The following BIN1 variants were observed in gnomAD, a reference collection of about 807,000 sequenced individuals.
BIN1 encodes the protein myc box-dependent-interacting protein 1.
In BIN1, 53 loss-of-function variants were observed where a neutral mutation model predicts 82.0. The observed-to-expected ratio is 0.65, with a 90% CI of 0.52 to 0.81. The LOEUF (loss-of-function observed/expected upper bound fraction) is 0.81. BIN1 is among the 40% of genes least tolerant of loss of function. The pLI, the probability that BIN1 is intolerant of heterozygous loss-of-function variation, is 0.00. For synonymous variants in BIN1, 302 were observed against 328.0 expected (o/e 0.92, Z 0.86); for missense variants, 642 against 784.4 (o/e 0.82, Z 2.17).
Position 127,068,224 on chromosome 2 carries a change from TG to T in BIN1, c.550del (p.Gln184SerfsTer12). The T allele has an allele frequency of 4.3e-6, 7 of 1,613,098 alleles. No individual in the cohort carries two copies. Among genetic ancestry groups the T allele is most frequent in the Non-Finnish European group, 5.1e-6 (6 of 1,179,854 alleles). ...AGCCTGCAGTTTGCCTTGGCACCAC[TG>T]GGGGGCGGCTTTCTCAAGCAGCGAG... ...PVSLLEKAAP[Q>X]WCQGKLQAHL... On this transcript the variant is annotated frameshift_variant, in exon 7 of 19. Coordinates refer to ENST00000316724, the MANE Select transcript of BIN1 (RefSeq NM_139343.3). LOFTEE classifies it high-confidence loss of function. This position sits in a 1 kb window ranked among gnomAD's most constrained non-coding sequence, Gnocchi z 4.9.
chr2:127,076,320 T>C (rs1573686262), intron 2 of BIN1, among the ~76,000 whole-genome samples: 1 of 152,010 alleles, frequency 6.6e-6, no homozygotes, highest in Non-Finnish European at 1.5e-5. Context: ...GCCCCTGACA[T>C]GCAAAGTTTC....
At chr2:127,064,285 G>A (rs926773415) in intron 7 of BIN1, among the ~76,000 whole-genome samples, 1 of 152,230 alleles carries the variant, frequency 6.6e-6, no homozygotes, top group South Asian at 2.1e-4. Flanking sequence ...AGTGAGCGTG[G>A]AGTAGGGCAC....
intron 18 of BIN1, among the ~76,000 whole-genome samples, chr2:127,049,245 A>G (rs1030475008): frequency 2.7e-5 from 4 of 146,674 alleles, no homozygotes; most frequent in African/African-American, 7.3e-5. Context: ...GACCCTACTC[A>G]TGCCCTATCT....
At chr2:127,092,130 T>TCCCTGC (rs1468822595) in intron 1 of BIN1, among the ~76,000 whole-genome samples, 1 of 151,790 alleles carries the variant, frequency 6.6e-6, no homozygotes, top group East Asian at 1.9e-4. Context: ...CTACCCCCTG[T>TCCCTGC]CCCTGCCCCT....
Position 127,107,044 on chromosome 2 carries a change from C to G in BIN1, c.-101G>C. ...AGCCCCGGCCGCGCGTCCAGACCGG[C>G]TGCCGCTCCACGCCGCGCACCCGAC... On this transcript the variant is annotated 5_prime_UTR_variant, in exon 1 of 19. Transcript: ENST00000316724. This position sits in a 1 kb window ranked among gnomAD's most constrained non-coding sequence, Gnocchi z 5.9. 1 of 1,222,530 alleles carries G rather than the reference C, an allele frequency of 8.2e-7. No homozygotes were observed. Among genetic ancestry groups the G allele is most frequent in the Non-Finnish European group, 1.1e-6 (1 of 942,886 alleles). The allele number at this position is 1,222,530 out of a possible 1,614,324, so 75.7% of individuals were successfully genotyped here. A position where few individuals can be genotyped will look rare whatever the true frequency, so the allele number is the denominator to read the frequency against.
chr2:127,067,830 C>G lies in BIN1; in HGVS notation c.612+333G>C, dbSNP rs1276768127. Among the ~76,000 whole-genome samples, 1 of 152,176 alleles carries G rather than the reference C, an allele frequency of 6.6e-6. No individual in the cohort carries two copies. Among genetic ancestry groups the G allele is most frequent in the Non-Finnish European group, 1.5e-5 (1 of 68,038 alleles). The stretch of plus-strand genomic sequence containing the variant: ...TACAGGGGCCTGATGATGTCGCCTC[C>G]CTCCCCAGAGGAGCCCTCACAGAGG... On this transcript the variant is annotated intron_variant, in intron 7 of 18. Transcript: ENST00000316724. This position sits in a 1 kb window ranked among gnomAD's most constrained non-coding sequence, Gnocchi z 4.7.
intron 1 of BIN1, among the ~76,000 whole-genome samples, chr2:127,084,958 G>C (rs1022587361): frequency 6.6e-6 from 1 of 152,188 alleles, no homozygotes; most frequent in African/African-American, 2.4e-5. Context: ...GTACAGAGGC[G>C]TCTTCAGAGC....
intron 1 of BIN1, 138 bp downstream of exon 1, chr2:127,106,722 T>C (rs1425599214): frequency 9.1e-7 from 1 of 1,103,400 alleles, no homozygotes; most frequent in Non-Finnish European, 1.3e-6. Flanking sequence ...TCGAAGCCCC[T>C]CGAAAGCGCT....
At chr2:127,052,731 C>A (rs1053444379) in intron 14 of BIN1, 3 of 316,348 alleles carry the variant, frequency 9.5e-6, no homozygotes, top group Non-Finnish European at 1.8e-5. Flanking sequence ...GGCGCCTGCA[C>A]ACCCGCCTGC....
chr2:127,084,327 G>A (rs1466206746), intron 1 of BIN1, among the ~76,000 whole-genome samples: 10 of 152,230 alleles, frequency 6.6e-5, no homozygotes, highest in Admixed American at 2.0e-4. Context: ...TTGCCTTTGC[G>A]AGGAGGGTGG....
In BIN1 at chr2:127,068,988, C is replaced by G; in HGVS notation, c.455G>C (p.Ser152Thr). The change falls in exon 6 of 19, where the codon AGT (serine) becomes ACT (threonine). Residue 152 changes from serine (S) to threonine (T), a missense_variant. Coordinates refer to ENST00000316724, the MANE Select transcript of BIN1 (RefSeq NM_139343.3). This position sits in a 1 kb window ranked among gnomAD's most constrained non-coding sequence, Gnocchi z 4.9. ...AAGGGACTCGTAGTGGTGCCGGGCA[C>G]TGTCGTAGTCCACCAGCTTGCGCCC... is the stretch of plus-strand genomic sequence containing the variant. ...KRGRKLVDYD[S>T]ARHHYESLQT... The G allele has an allele frequency of 6.2e-7, 1 of 1,614,202 alleles. No individual in the cohort carries two copies. Among genetic ancestry groups the G allele is most frequent in the Non-Finnish European group, 8.5e-7 (1 of 1,180,026 alleles).
intron 1 of BIN1, among the ~76,000 whole-genome samples, chr2:127,105,374 C>T (rs991841977): frequency 2.0e-5 from 3 of 152,010 alleles, no homozygotes; most frequent in Admixed American, 6.6e-5. Context: ...CATGGCAGCC[C>T]GGAGCAGGGG....
chr2:127,081,726 C>T, intron 1 of BIN1: 5 of 1,190,744 alleles, frequency 4.2e-6, no homozygotes, highest in Non-Finnish European at 5.4e-6. Flanking sequence ...GTTCCCAACA[C>T]CCCACCCCCA....
chr2:127,072,566 A>G (rs1229997820), intron 2 of BIN1, among the ~76,000 whole-genome samples: 1 of 152,112 alleles, frequency 6.6e-6, no homozygotes, highest in Non-Finnish European at 1.5e-5. Context: ...AGAGACATCC[A>G]CAGGGGGAGC....
rs918543715 is a variant in BIN1 at position 127,062,183 on chromosome 2, G to A, written c.789C>T (p.Leu263=). 3.1e-6 allele frequency: 5 copies of A among 1,608,764 alleles called. No individual in the cohort carries two copies. Among genetic ancestry groups the A allele is most frequent in the Non-Finnish European group, 4.2e-6 (5 of 1,177,776 alleles). ...TCTCCAGGCCGACCAGCACATCATT[G>A]AGGTTCTGGTTGAGCTGCAGGAGAG... is the stretch of plus-strand genomic sequence containing the variant. ...HKEMSKLNQN[L]NDVLVGLEKQ... Residue 263 remains leucine (L), a synonymous_variant, in exon 10 of 19, where the codon CTC becomes CTT. Coordinates refer to ENST00000316724, the MANE Select transcript of BIN1 (RefSeq NM_139343.3).
At chr2:127,069,571 G>GCA (rs1558832629) in intron 5 of BIN1, among the ~76,000 whole-genome samples, 3 of 152,036 alleles carry the variant, frequency 2.0e-5, no homozygotes, top group African/African-American at 7.2e-5. Flanking sequence ...ACAACCACAC[G>GCA]CACACACCCA....
intron 2 of BIN1, among the ~76,000 whole-genome samples, chr2:127,072,313 T>C (rs937489217): frequency 1.3e-5 from 2 of 152,210 alleles, no homozygotes; most frequent in Admixed American, 1.3e-4. Context: ...CTGCTCTTCC[T>C]GCCCTGGTGC....
Position 127,050,837 on chromosome 2 carries a change from C to T in BIN1, c.1537G>A (p.Gly513Arg), listed in dbSNP as rs777452575. Residue 513 changes from glycine (G) to arginine (R), a missense_variant, in exon 17 of 19, where the codon GGG becomes AGG. Coordinates refer to ENST00000316724, the MANE Select transcript of BIN1 (RefSeq NM_139343.3). ...NGTVEGGSGA[G>R]RLDLPPGFMF... ...AAACCTGGGGGCAGGTCCAAGCGCC[C>T]GGCCCCACTGCCGCCCTCCACGGTG... The T allele has an allele frequency of 5.6e-6, 9 of 1,613,630 alleles. No individual in the cohort carries two copies. The highest frequency in any genetic ancestry group is 3.3e-5 in the Admixed American group (2 of 60,002).
In BIN1 at chr2:127,069,094, G is replaced by A; in HGVS notation, c.412-63C>T. The A allele has an allele frequency of 2.0e-6, 3 of 1,506,634 alleles. No homozygotes were observed. The South Asian group carries it at 3.4e-5, about 17-fold the overall frequency. The allele number at this position is 1,506,634 out of a possible 1,614,324, so 93.3% of individuals were successfully genotyped here. On this transcript the variant is annotated intron_variant, in intron 5 of 18. Coordinates refer to ENST00000316724, the MANE Select transcript of BIN1 (RefSeq NM_139343.3). ...CACCCCTGCTGAGACTCCAGGTCCA[G>A]TGGATCCTGGAGGGACCCGCAGGGC...
Sources: gnomAD v4.1 joint callset for allele counts (sites outside exome capture counted in the v4.1 genomes callset) on GRCh38, gnomAD v4.1.1 for gene constraint, Gnocchi (gnomAD v3.1) non-coding constraint, MANE v1.5 for transcripts, NCBI Gene and HGNC (gene_info 2026-07-23, HGNC 2026-07-21) for gene names.